Variants in PACRG observed in about 807,000 individuals in gnomAD.
PACRG encodes parkin coregulated gene protein.
PACRG carries 29 observed loss-of-function variants against 29.7 expected under a neutral mutation model. The ratio of observed to expected loss-of-function variants is 0.98; its 90% confidence interval spans 0.73 to 1.33. The LOEUF is 1.33. PACRG is among the 40% of genes most tolerant of loss of function. The pLI is 0.00. For missense variants in PACRG, 279 were observed against 316.2 expected (o/e 0.88, Z 0.89); for synonymous variants, 116 against 118.7 (o/e 0.98, Z 0.15).
intron 2 of PACRG, among the ~76,000 whole-genome samples, chr6:162,889,975 C>T (rs571436083): frequency 2.0e-5 from 3 of 152,302 alleles, no homozygotes; most frequent in African/African-American, 7.2e-5. Flanking sequence ...TAACTCATAA[C>T]CTGAAATAAA....
chr6:162,949,656 T>G (rs532716137), intron 2 of PACRG, among the ~76,000 whole-genome samples: 6 of 152,222 alleles, frequency 3.9e-5, no homozygotes, highest in African/African-American at 1.4e-4. Flanking sequence ...ATGAAAAAAT[T>G]TAATGACATT....
intron 2 of PACRG, among the ~76,000 whole-genome samples, chr6:162,937,988 G>T (rs560049526): frequency 6.6e-6 from 1 of 151,888 alleles, no homozygotes; most frequent in South Asian, 2.1e-4. Flanking sequence ...AGATTTTGGT[G>T]CACCCATTAC....
chr6:163,200,500 C>T (rs761969023), intron 4 of PACRG, among the ~76,000 whole-genome samples: 4 of 152,100 alleles, frequency 2.6e-5, no homozygotes, highest in Non-Finnish European at 4.4e-5. Context: ...GGGCACGTGT[C>T]GCATACTTCC....
At chr6:163,037,819 G>A (rs1746215508) in intron 2 of PACRG, among the ~76,000 whole-genome samples, 1 of 152,176 alleles carries the variant, frequency 6.6e-6, no homozygotes, top group Non-Finnish European at 1.5e-5. Context: ...CACTCACCCT[G>A]TCTCTCCTGC....
chr6:162,914,508 GT>G (rs3028611), intron 2 of PACRG, among the ~76,000 whole-genome samples: 5,671 of 95,146 alleles, frequency 0.06, 135 homozygotes, highest in African/African-American at 0.13. Context: ...GTACTTTTTT[GT>G]TTTTTTTTTT....
At chr6:163,116,542 T>C (rs905455365) in intron 4 of PACRG, among the ~76,000 whole-genome samples, 1 of 152,182 alleles carries the variant, frequency 6.6e-6, no homozygotes, top group Non-Finnish European at 1.5e-5. Flanking sequence ...TGCAGAGCGC[T>C]CTTGGTTGTA....
chr6:162,940,976 A>G (rs1798576714), intron 2 of PACRG, among the ~76,000 whole-genome samples: 1 of 151,936 alleles, frequency 6.6e-6, no homozygotes. Flanking sequence ...GAATGTAATC[A>G]CTGTGTTTTT....
At chr6:163,256,587 G>A (rs973082150) in intron 4 of PACRG, among the ~76,000 whole-genome samples, 2 of 152,210 alleles carry the variant, frequency 1.3e-5, no homozygotes, top group African/African-American at 4.8e-5. Flanking sequence ...ATGGATCCGT[G>A]AGGAAAACGT....
chr6:163,006,486 A>G (rs1446468773), intron 2 of PACRG, among the ~76,000 whole-genome samples: 1 of 151,702 alleles, frequency 6.6e-6, no homozygotes, highest in Non-Finnish European at 1.5e-5. Context: ...ATTTTTCTAT[A>G]TGTTTACTGA....
intron 2 of PACRG, among the ~76,000 whole-genome samples, chr6:162,841,520 A>G (rs1789767034): frequency 6.6e-6 from 1 of 151,872 alleles, no homozygotes; most frequent in Non-Finnish European, 1.5e-5. Flanking sequence ...CAGTCTATCA[A>G]TTTTGTTGAA....
intron 2 of PACRG, among the ~76,000 whole-genome samples, chr6:162,881,957 T>TG (rs1432255527): frequency 2.0e-4 from 5 of 24,748 alleles, no homozygotes; most frequent in African/African-American, 1.0e-3. Context: ...AGACCAGAGA[T>TG]GGGTGGGGGG....
chr6:163,037,717 G>A (rs1249132484), intron 2 of PACRG, among the ~76,000 whole-genome samples: 7 of 152,180 alleles, frequency 4.6e-5, no homozygotes, highest in Non-Finnish European at 5.9e-5. Context: ...GTTACCTACA[G>A]CACAGACGCA....
chr6:163,008,036 G>A (rs1805281577), intron 2 of PACRG, among the ~76,000 whole-genome samples: 1 of 152,104 alleles, frequency 6.6e-6, no homozygotes, highest in South Asian at 2.1e-4. Context: ...TCTTATTGTT[G>A]TTGTACTGGA....
chr6:163,054,594 G>A (rs933011568), intron 2 of PACRG, among the ~76,000 whole-genome samples: 3 of 152,150 alleles, frequency 2.0e-5, no homozygotes, highest in African/African-American at 7.2e-5. Flanking sequence ...CCATGGCCAC[G>A]AAAATTCATG....
intron 2 of PACRG, among the ~76,000 whole-genome samples, chr6:162,874,549 A>T (rs960405688): frequency 2.0e-5 from 3 of 152,090 alleles, no homozygotes; most frequent in Non-Finnish European, 2.9e-5. Context: ...GGGAGGTCGC[A>T]GATGGAAGCA....
chr6:163,269,168 G>A (rs887629055), intron 4 of PACRG, among the ~76,000 whole-genome samples: 1 of 152,186 alleles, frequency 6.6e-6, no homozygotes, highest in African/African-American at 2.4e-5. Flanking sequence ...TGGAACAAAT[G>A]GAGGCACACA....
At chr6:163,062,463 C>T in intron 3 of PACRG, 142 bp downstream of exon 3, 1 of 963,554 alleles carries the variant, frequency 1.0e-6, no homozygotes, top group Non-Finnish European at 1.5e-6. Context: ...GGAGGCCAGA[C>T]AACCCAAATC....
chr6:163,139,201 G>A (rs550166530), intron 4 of PACRG, among the ~76,000 whole-genome samples: 1 of 152,318 alleles, frequency 6.6e-6, no homozygotes, highest in Admixed American at 6.5e-5. Flanking sequence ...TTGGCTTGTG[G>A]CCACACCACG....
intron 4 of PACRG, among the ~76,000 whole-genome samples, chr6:163,149,967 T>C (rs1285809821): frequency 6.6e-6 from 1 of 152,194 alleles, no homozygotes; most frequent in Non-Finnish European, 1.5e-5. Flanking sequence ...TCACACAATT[T>C]AAAGTTCCCC....
Sources: gnomAD v4.1 joint callset for allele counts (sites outside exome capture counted in the v4.1 genomes callset) on GRCh38, gnomAD v4.1.1 for gene constraint, MANE v1.5 for transcripts, NCBI Gene and HGNC (gene_info 2026-07-23, HGNC 2026-07-21) for gene names.